The following SNRPN variants were observed in gnomAD, a reference collection of about 807,000 sequenced individuals.
SNRPN encodes small nuclear ribonucleoprotein polypeptide N.
Under a neutral mutation model 25.2 loss-of-function variants are expected in SNRPN, and 7 were observed. The ratio of observed to expected loss-of-function variants is 0.28; its 90% CI spans 0.16 to 0.52. The LOEUF is 0.52. SNRPN is among the 20% of genes least tolerant of loss of function. The pLI is 0.96. For synonymous variants in SNRPN, 124 were observed against 110.6 expected (o/e 1.12, Z -0.76); for missense variants, 196 against 322.5 (o/e 0.61, Z 3.00).
At chr15:24,835,335 C>T (rs2051070906) in intron 2 of SNRPN, among the ~76,000 whole-genome samples, 1 of 151,468 alleles carries the variant, frequency 6.6e-6, no homozygotes, top group Non-Finnish European at 1.5e-5. Context: ...TGTGCATTGT[C>T]ACATTTTGTC....
chr15:24,934,892 C>G (rs2061125069), intron 3 of SNRPN, among the ~76,000 whole-genome samples: 2 of 152,162 alleles, frequency 1.3e-5, no homozygotes, highest in African/African-American at 4.8e-5. Context: ...GGGGCAGGTA[C>G]TCAGTTGCTT....
chr15:24,929,515 CCTGGGAAGCT>C lies in SNRPN; in HGVS notation c.-391+9393_-391+9402del, dbSNP rs1172487828. Among the ~76,000 whole-genome samples, 1 of 152,072 alleles carries C rather than the reference CCTGGGAAGCT, an allele frequency of 6.6e-6. No homozygotes were observed. The highest frequency in any genetic ancestry group is 6.5e-5 in the Admixed American group (1 of 15,268). ...GGAAGATGGGGAATACTTGCAGGCACCTGGGAAGCTCAGGGAAGCTGCAGGTACCCTGTCA... is the reference window on the plus strand; with the variant it reads ...GGAAGATGGGGAATACTTGCAGGCACCAGGGAAGCTGCAGGTACCCTGTCA... On this transcript the variant is annotated intron_variant, in intron 3 of 11. Coordinates refer to the SNRPN transcript ENST00000400097. This position sits in a 1 kb window ranked among gnomAD's most constrained non-coding sequence, Gnocchi z 5.3.
intron 1 of SNRPN, among the ~76,000 whole-genome samples, chr15:24,869,907 G>C (rs370440627): frequency 6.6e-6 from 1 of 152,094 alleles, no homozygotes; most frequent in Non-Finnish European, 1.5e-5. Flanking sequence ...CAGTTGGCCT[G>C]TTCTCCACCA....
At chr15:24,888,535 C>T (rs553225087) in intron 2 of SNRPN, among the ~76,000 whole-genome samples, 1 of 152,152 alleles carries the variant, frequency 6.6e-6, no homozygotes, top group Non-Finnish European at 1.5e-5. Context: ...ATTTTTTCAG[C>T]GTGTAAGAAT....
chr15:24,955,762 G>C (rs1596150504), intron 1 of SNRPN, among the ~76,000 whole-genome samples: 1 of 151,672 alleles, frequency 6.6e-6, no homozygotes, highest in African/African-American at 2.4e-5. Context: ...GCGACAGTGG[G>C]TATTGGCGGC....
At chr15:24,827,230 T>G (rs1487651787) in intron 1 of SNRPN, among the ~76,000 whole-genome samples, 1 of 152,000 alleles carries the variant, frequency 6.6e-6, no homozygotes, top group Non-Finnish European at 1.5e-5. Context: ...AAACACTGTA[T>G]GCAGCCGGGC....
At chr15:24,871,859 C>G (rs1366957785) in intron 1 of SNRPN, among the ~76,000 whole-genome samples, 1 of 120,902 alleles carries the variant, frequency 8.3e-6, no homozygotes, top group Non-Finnish European at 1.8e-5. Context: ...CGCCCACCAC[C>G]ACGCCTGGCT....
chr15:24,913,225 C>G (rs917002793), intron 2 of SNRPN, among the ~76,000 whole-genome samples: 6 of 152,118 alleles, frequency 3.9e-5, no homozygotes, highest in African/African-American at 1.4e-4. Flanking sequence ...CAGACGTGAG[C>G]CACTGTGCGT....
intron 1 of SNRPN, among the ~76,000 whole-genome samples, chr15:24,864,039 T>C (rs1217759722): frequency 6.8e-6 from 1 of 147,988 alleles, no homozygotes; most frequent in Non-Finnish European, 1.5e-5. Context: ...ATTATTTTTT[T>C]TTTTGGAGAG....
chr15:24,968,223 G>A (rs531153912), intron 3 of SNRPN, 141 bp downstream of exon 3: 2 of 593,580 alleles, frequency 3.4e-6, no homozygotes, highest in Admixed American at 2.8e-5. Flanking sequence ...GTTTTAGAAA[G>A]TTTTGCAGGA....
chr15:24,904,397 G>A (rs956235334), intron 2 of SNRPN, among the ~76,000 whole-genome samples: 4 of 152,190 alleles, frequency 2.6e-5, no homozygotes, highest in Non-Finnish European at 2.9e-5. Context: ...GCTAACGCCT[G>A]TAATCCTAGC....
chr15:24,836,704 C>T (rs970298883), intron 2 of SNRPN, among the ~76,000 whole-genome samples: 3 of 152,062 alleles, frequency 2.0e-5, no homozygotes, highest in South Asian at 4.1e-4. Context: ...TGATCCACCA[C>T]GCCCAGCCAC....
intron 2 of SNRPN, among the ~76,000 whole-genome samples, chr15:24,963,452 T>C (rs1031152735): frequency 2.0e-5 from 3 of 151,546 alleles, no homozygotes; most frequent in Admixed American, 6.6e-5. Context: ...CCGTCTCTCC[T>C]AAAAATACAA....
intron 2 of SNRPN, among the ~76,000 whole-genome samples, chr15:24,918,149 T>A (rs2152424380): frequency 6.6e-6 from 1 of 151,928 alleles, no homozygotes; most frequent in East Asian, 1.9e-4. Flanking sequence ...ATGTGTATAC[T>A]GAATTTGCTT....
At chr15:24,922,890 CTTTTTTTTTTTTT>C (rs71412618) in intron 3 of SNRPN, among the ~76,000 whole-genome samples, 18 of 68,180 alleles carry the variant, frequency 2.6e-4, no homozygotes, top group African/African-American at 8.5e-4. Flanking sequence ...TAGGCAGATC[CTTTTTTTTTTTTT>C]TTTTTTTTTT....
chr15:24,855,137 T>C (rs2146238749), upstream of SNRPN, among the ~76,000 whole-genome samples: 1 of 152,356 alleles, frequency 6.6e-6, no homozygotes, highest in African/African-American at 2.4e-5. Context: ...ATCTGATTTG[T>C]CAGTGGTTTT....
chr15:24,962,290 T>A, intron 2 of SNRPN, 81 bp downstream of exon 2: 1 of 1,121,794 alleles, frequency 8.9e-7, no homozygotes, highest in Non-Finnish European at 1.3e-6. Context: ...AATGAGGGGA[T>A]TAAAATGAAC....
At chr15:24,838,109 G>C (rs147179599) in intron 2 of SNRPN, among the ~76,000 whole-genome samples, 1 of 149,274 alleles carries the variant, frequency 6.7e-6, no homozygotes, top group Non-Finnish European at 1.5e-5. Context: ...ATCTCGGCTC[G>C]CTGCAAGCTC....
intron 1 of SNRPN, among the ~76,000 whole-genome samples, chr15:24,825,806 G>A (rs34675061): frequency 0.018 from 2,742 of 151,984 alleles, 104 homozygotes; most frequent in African/African-American, 0.063. Flanking sequence ...TGGTTGTATG[G>A]GTACTCGAAG....
Sources: allele counts gnomAD v4.1 joint callset (sites outside exome capture counted in the v4.1 genomes callset), GRCh38; gene constraint gnomAD v4.1.1; non-coding constraint Gnocchi (gnomAD v3.1); transcripts MANE v1.5; gene names NCBI Gene and HGNC (gene_info 2026-07-23, HGNC 2026-07-21).